The following USP47 variants were observed in gnomAD, a reference collection of about 807,000 sequenced individuals.
USP47 encodes ubiquitin carboxyl-terminal hydrolase 47.
USP47 carries 35 observed loss-of-function variants against 165.1 expected under a neutral mutation model. That is an observed-to-expected ratio of 0.21 (90% CI 0.16 to 0.28). USP47 has a LOEUF of 0.28. USP47 is among the 10% of genes least tolerant of loss of function. USP47 has a pLI of 1.00. For missense variants in USP47, 1,277 were observed against 1,607.4 expected (o/e 0.79, Z 3.52); for synonymous variants, 531 against 544.5 (o/e 0.98, Z 0.35).
chr11:11,912,480 A>G (rs1481503645), intron 8 of USP47, among the ~76,000 whole-genome samples: 7 of 152,262 alleles, frequency 4.6e-5, no homozygotes, highest in African/African-American at 1.4e-4. Flanking sequence ...AAAGAACTCA[A>G]TAGGAATTAG....
intron 1 of USP47, among the ~76,000 whole-genome samples, chr11:11,868,576 T>C (rs1849832619): frequency 6.6e-6 from 1 of 152,224 alleles, no homozygotes; most frequent in South Asian, 2.1e-4. Context: ...TTTGGGCTGT[T>C]GTAAGTAAAG....
chr11:11,858,055 G>C (rs749360852), intron 1 of USP47, among the ~76,000 whole-genome samples: 9 of 152,180 alleles, frequency 5.9e-5, no homozygotes, highest in Non-Finnish European at 1.3e-4. Context: ...CCTTTGGCAG[G>C]TATTTGGACC....
At position 11,842,031 on chromosome 11, in the gene USP47, C is replaced by T. The variant is rs1412512978; in HGVS notation, c.-155C>T. 1.0e-5 allele frequency: 9 copies of T among 890,486 alleles called. No individual in the cohort carries two copies. The highest frequency in any genetic ancestry group is 5.5e-5 in the South Asian group (3 of 54,828). 55.2% of individuals were successfully genotyped at this position (890,486 alleles called of 1,614,324 possible). On this transcript the variant is annotated 5_prime_UTR_variant, in exon 1 of 28. Coordinates refer to ENST00000527733, the MANE Select transcript of USP47 (RefSeq NM_001282659.2). ...GCGGAGCCCTGGGTCGGTGTCTGCGCGCTGGTGTCTGAGGCCCAGGCTGAG... is the reference window on the plus strand; with the variant it reads ...GCGGAGCCCTGGGTCGGTGTCTGCGTGCTGGTGTCTGAGGCCCAGGCTGAG...
intron 1 of USP47, among the ~76,000 whole-genome samples, chr11:11,868,807 A>G (rs1475106279): frequency 1.3e-5 from 2 of 148,808 alleles, no homozygotes; most frequent in African/African-American, 4.9e-5. Context: ...TTTTTTTTTT[A>G]TTTTAACCAT....
intron 1 of USP47, among the ~76,000 whole-genome samples, chr11:11,858,729 G>A (rs1477120615): frequency 6.6e-6 from 1 of 152,174 alleles, no homozygotes; most frequent in Non-Finnish European, 1.5e-5. Context: ...ATTCATTTAT[G>A]TTGTTGCTTC....
chr11:11,872,425 A>G (rs1414092766), intron 1 of USP47, among the ~76,000 whole-genome samples: 1 of 152,218 alleles, frequency 6.6e-6, no homozygotes, highest in African/African-American at 2.4e-5. Context: ...TTAGCCTCCT[A>G]CTTTTGCTGG....
intron 22 of USP47, 80 bp from the exon 23 acceptor site, chr11:11,949,809 G>A: frequency 5.3e-6 from 5 of 950,346 alleles, no homozygotes; most frequent in Non-Finnish European, 7.7e-6. Context: ...AAATGTTTTG[G>A]TAATTTTTAT....
Position 11,943,010 on chromosome 11 carries a change from A to G in USP47, c.2989A>G (p.Ser997Gly). 1 of 1,613,578 alleles carries G rather than the reference A, an allele frequency of 6.2e-7. No homozygotes were observed. Among genetic ancestry groups the G allele is most frequent in the Non-Finnish European group, 8.5e-7 (1 of 1,179,630 alleles). ...DTAEEDSGTD[S>G]EYDESGKSRG... ...AGCAGAAGAAGACTCTGGAACTGAT[A>G]GTGAATATGATGAGAGTGGCAAGAG... The change falls in exon 20 of 28, where the codon AGT (serine) becomes GGT (glycine). Residue 997 changes from serine (S) to glycine (G), a missense_variant. Around this residue, in one of 4 missense-constraint regions of USP47, gnomAD observed 909 missense variants for 1,068.1 expected, o/e 0.85. Coordinates refer to ENST00000527733, the MANE Select transcript of USP47 (RefSeq NM_001282659.2).
intron 25 of USP47, among the ~76,000 whole-genome samples, chr11:11,953,406 TA>T (rs1000276223): frequency 1.1e-4 from 17 of 151,984 alleles, no homozygotes; most frequent in South Asian, 2.1e-4. Context: ...AGTTTATATA[TA>T]AAAAAAGTAA....
chr11:11,918,670 CT>C (rs1203600050), intron 8 of USP47, among the ~76,000 whole-genome samples: 1 of 151,886 alleles, frequency 6.6e-6, no homozygotes, highest in Non-Finnish European at 1.5e-5. Flanking sequence ...GTTCTCTGTT[CT>C]TTAAACTTTT....
At chr11:11,924,954 T>G (rs1016561877) in intron 11 of USP47, among the ~76,000 whole-genome samples, 9 of 152,208 alleles carry the variant, frequency 5.9e-5, no homozygotes, top group African/African-American at 1.2e-4. Context: ...GTTTTCCTAT[T>G]TTCAATATTG....
chr11:11,948,820 T>TACAAAA, intron 22 of USP47: 1 of 336,548 alleles, frequency 3.0e-6, no homozygotes, highest in Non-Finnish European at 5.5e-6. Flanking sequence ...GCAGTGAACT[T>TACAAAA]GGCCCTCAGG....
chr11:11,880,877 TTTTTTGTATG>T (rs1850782233), intron 2 of USP47, among the ~76,000 whole-genome samples: 2 of 152,132 alleles, frequency 1.3e-5, no homozygotes, highest in Non-Finnish European at 2.9e-5. Flanking sequence ...TCTGGGCAAC[TTTTTTGTATG>T]TTTATTTTTC....
intron 1 of USP47, among the ~76,000 whole-genome samples, chr11:11,848,014 G>A (rs1300784727): frequency 6.6e-6 from 1 of 152,160 alleles, no homozygotes; most frequent in African/African-American, 2.4e-5. Flanking sequence ...AAGATGCTAA[G>A]TAACTTGCTC....
chr11:11,854,963 C>T (rs112269035), intron 1 of USP47, among the ~76,000 whole-genome samples: 7 of 116,916 alleles, frequency 6.0e-5, no homozygotes, highest in East Asian at 2.7e-4. Flanking sequence ...GGTGCAGTGG[C>T]GGGCGCCTGT....
intron 4 of USP47, 98 bp downstream of exon 4, chr11:11,892,204 C>A: frequency 1.5e-6 from 2 of 1,351,714 alleles, no homozygotes; most frequent in Admixed American, 2.4e-5. Flanking sequence ...GATAAGAAAA[C>A]TGAGACCTAG....
intron 7 of USP47, 36 bp downstream of exon 7, chr11:11,903,378 C>T (rs768599575): frequency 6.4e-7 from 1 of 1,570,096 alleles, no homozygotes. Context: ...GGACTGTTTC[C>T]TAATAAATCA....
intron 20 of USP47, among the ~76,000 whole-genome samples, chr11:11,947,573 G>T (rs76659058): frequency 6.6e-6 from 1 of 152,134 alleles, no homozygotes; most frequent in African/African-American, 2.4e-5. Context: ...GGAGGCTGGC[G>T]CCGTGTCCCA....
chr11:11,950,293 C>A, intron 23 of USP47, 71 bp from the exon 24 acceptor site: 1 of 1,047,052 alleles, frequency 9.6e-7, no homozygotes, highest in South Asian at 1.6e-5. Flanking sequence ...TCTTTGGTGT[C>A]AGATTAGTGT....
Sources: allele counts gnomAD v4.1 joint callset (sites outside exome capture counted in the v4.1 genomes callset), GRCh38; gene constraint gnomAD v4.1.1; regional missense constraint gnomAD v4.1.1; transcripts MANE v1.5; gene names NCBI Gene and HGNC (gene_info 2026-07-23, HGNC 2026-07-21).